Variants in PDGFB observed in about 807,000 individuals in gnomAD.
PDGFB encodes the protein platelet derived growth factor subunit B.
PDGFB carries 6 observed loss-of-function variants against 29.0 expected under a neutral mutation model. The ratio of observed to expected loss-of-function variants is 0.21; its 90% CI spans 0.11 to 0.41. The LOEUF (loss-of-function observed/expected upper bound fraction) is 0.41, where lower values mean the gene tolerates loss of function less well. Ranked by LOEUF, PDGFB falls within the 10% of genes least tolerant of loss-of-function variation. The pLI is 1.00. For missense variants in PDGFB, 299 were observed against 341.8 expected, an observed-to-expected ratio of 0.87 and a Z score of 0.99; for synonymous variants, 144 against 140.8, an observed-to-expected ratio of 1.02 and a Z score of -0.16.
At chr22:39,229,996 T>G in intron 5 of PDGFB, 88 bp downstream of exon 5, 1 of 1,454,502 alleles carries the variant, frequency 6.9e-7, no homozygotes, top group East Asian at 2.3e-5. Context: ...GGGGCGGGCC[T>G]GATCCCATTT....
At chr22:39,235,010 C>T (rs771579322) in intron 2 of PDGFB, among the ~76,000 whole-genome samples, 3 of 152,164 alleles carry the variant, frequency 2.0e-5, no homozygotes, top group East Asian at 1.9e-4. Context: ...CCTGCCTCAC[C>T]GCCCCCCAGC....
chr22:39,225,872 G>T (rs371605422), intron 5 of PDGFB, 25 bp from the exon 6 acceptor site: 14 of 1,603,348 alleles, frequency 8.7e-6, no homozygotes, highest in Non-Finnish European at 1.2e-5. Context: ...GAAAGACCTC[G>T]TCAGCATGTG....
chr22:39,236,996 A>G (rs1932459921), intron 1 of PDGFB, among the ~76,000 whole-genome samples: 1 of 152,172 alleles, frequency 6.6e-6, no homozygotes, highest in Non-Finnish European at 1.5e-5. Context: ...CCCTGGATTA[A>G]GAAGGGAGGA....
chr22:39,229,721 T>C (rs12159388), intron 5 of PDGFB, among the ~76,000 whole-genome samples: 3,003 of 152,268 alleles, frequency 0.02, 73 homozygotes, highest in African/African-American at 0.053. Flanking sequence ...GAGCTGAGAC[T>C]CTAATGAAGA....
rs765158726 is a variant in PDGFB, at chr22:39,225,892, G to C, written c.602-45C>G. On this transcript the variant is annotated intron_variant, in intron 5 of 6. Coordinates refer to ENST00000331163, the MANE Select transcript of PDGFB (RefSeq NM_002608.4). ...ACCTCGTCAGCATGTGGACCATTGG[G>C]GAGGTCTCTCCCCACTGACCAAGGC... is the stretch of plus-strand genomic sequence containing the variant. 4 of 1,583,712 alleles carry C rather than the reference G, an allele frequency of 2.5e-6. 1 individual carries two copies. In the South Asian group the frequency reaches 3.5e-5, roughly 14 times the overall value.
intron 1 of PDGFB, among the ~76,000 whole-genome samples, chr22:39,236,854 C>T (rs1440027862): frequency 6.6e-6 from 1 of 152,196 alleles, no homozygotes; most frequent in Non-Finnish European, 1.5e-5. Context: ...CGGACTTCCA[C>T]GTGTGCAAAC....
intron 4 of PDGFB, 58 bp from the exon 5 acceptor site, chr22:39,230,286 A>C: frequency 1.3e-6 from 2 of 1,584,840 alleles, no homozygotes; most frequent in Non-Finnish European, 1.7e-6. Context: ...GAGCCCGGGA[A>C]GCCCGAATGG....
At chr22:39,240,035 C>T (rs902980136) in intron 1 of PDGFB, among the ~76,000 whole-genome samples, 3 of 152,226 alleles carry the variant, frequency 2.0e-5, no homozygotes, top group Non-Finnish European at 4.4e-5. Flanking sequence ...CCAACCAACC[C>T]CTTTGAAGAA....
At position 39,244,941 on chromosome 22, in the gene PDGFB, G is replaced by T. The variant is rs916650611; in HGVS notation, c.-978C>A. Among the ~76,000 whole-genome samples, 74 of 152,198 alleles carry T rather than the reference G, an allele frequency of 4.9e-4. No homozygotes were observed. The highest frequency in any genetic ancestry group is 1.7e-3 in the African/African-American group (71 of 41,550). Reference sequence around the variant, plus strand: ...GCGGGGGAGGCTGCGGGTGCGCAGGGAGGCAGGCAGGCCGCTCCCGGCTGC... The same window carrying T: ...GCGGGGGAGGCTGCGGGTGCGCAGGTAGGCAGGCAGGCCGCTCCCGGCTGC... On this transcript the variant is annotated 5_prime_UTR_variant, in exon 1 of 7. Transcript: ENST00000331163. The surrounding 1 kb of genome is among the most constrained non-coding windows in gnomAD (Gnocchi z 4.5).
intron 3 of PDGFB, among the ~76,000 whole-genome samples, chr22:39,232,316 G>A (rs868379190): frequency 6.6e-6 from 1 of 152,128 alleles, no homozygotes; most frequent in Non-Finnish European, 1.5e-5. Flanking sequence ...CTATGAAATG[G>A]GATAATAACA....
chr22:39,237,049 G>A (rs781578107), intron 1 of PDGFB, among the ~76,000 whole-genome samples: 2 of 152,104 alleles, frequency 1.3e-5, no homozygotes, highest in Non-Finnish European at 2.9e-5. Flanking sequence ...GCCGAAGGTC[G>A]GGGGGCTCAG....
At chr22:39,229,586 G>A (rs1932246848) in intron 5 of PDGFB, among the ~76,000 whole-genome samples, 1 of 152,152 alleles carries the variant, frequency 6.6e-6, no homozygotes. Context: ...TCTCATCCAG[G>A]CCCAGATTCC....
In PDGFB at chr22:39,231,610, G is replaced by A. The variant is rs1367230572; in HGVS notation, c.456+12C>T. 1.3e-6 allele frequency: 2 copies of A among 1,538,468 alleles called. No homozygotes were observed. Among genetic ancestry groups the A allele is most frequent in the Middle Eastern group, 2.1e-4 (1 of 4,666 alleles). The stretch of plus-strand genomic sequence containing the variant: ...CCGGGACCAGCCTCGGGGGGCCGCG[G>A]AGCCTACGCACCTGGACAGGTCGCA... On this transcript the variant is annotated intron_variant, in intron 4 of 6. Coordinates refer to ENST00000331163, the MANE Select transcript of PDGFB (RefSeq NM_002608.4). This position sits in a 1 kb window ranked among gnomAD's most constrained non-coding sequence, Gnocchi z 4.3.
chr22:39,225,563 T>C, intron 6 of PDGFB, 132 bp downstream of exon 6: 2 of 867,712 alleles, frequency 2.3e-6, no homozygotes, highest in Non-Finnish European at 3.4e-6. Context: ...CCCCAGCTGA[T>C]AACTGGACAG....
chr22:39,235,489 C>T (rs1385101960), intron 2 of PDGFB, among the ~76,000 whole-genome samples: 1 of 152,192 alleles, frequency 6.6e-6, no homozygotes, highest in Non-Finnish European at 1.5e-5. Context: ...ACATACTCGG[C>T]AGATGCCCTG....
intron 5 of PDGFB, among the ~76,000 whole-genome samples, chr22:39,226,555 T>C (rs2285094): frequency 0.37 from 56,587 of 152,118 alleles, 11,061 homozygotes; most frequent in Middle Eastern, 0.49. Context: ...CCAATAGAAC[T>C]GCCCAGCTGA....
Position 39,231,986 on chromosome 22 carries a change from G to A in PDGFB, c.251-159C>T, listed in dbSNP as rs111286783. Among the ~76,000 whole-genome samples the A allele has an allele frequency of 1.8e-3, 274 of 152,038 alleles. No homozygotes were observed. Among genetic ancestry groups the A allele is most frequent in the African/African-American group, 6.5e-3 (271 of 41,452 alleles). On this transcript the variant is annotated intron_variant, in intron 3 of 6. Coordinates refer to ENST00000331163, the MANE Select transcript of PDGFB (RefSeq NM_002608.4). The surrounding 1 kb of genome is among the most constrained non-coding windows in gnomAD (Gnocchi z 4.3). ...CTGGCTGTCATTAGCCATGGGACTT[G>A]GGCAGATGGCTGAGCCACTCTAAGC...
chr22:39,232,438 G>C (rs567092787), intron 3 of PDGFB, among the ~76,000 whole-genome samples: 1 of 152,320 alleles, frequency 6.6e-6, no homozygotes, highest in South Asian at 2.1e-4. Flanking sequence ...TCTGAGAGCT[G>C]AATATCCCGT....
Position 39,223,929 on chromosome 22 carries a change from G to A in PDGFB, c.*1413C>T, listed in dbSNP as rs1302711456. Reference sequence around the variant, plus strand: ...CTTCTCTCCCCCATTCCCAGCCCACGAGCTGGTTTCCTAGGAGGAGCCACC... The same window carrying A: ...CTTCTCTCCCCCATTCCCAGCCCACAAGCTGGTTTCCTAGGAGGAGCCACC... On this transcript the variant is annotated 3_prime_UTR_variant, in exon 7 of 7. Transcript: ENST00000331163. The A allele has an allele frequency of 1.3e-5, 2 of 152,192 alleles. No homozygotes were observed. Among genetic ancestry groups the A allele is most frequent in the East Asian group, 1.9e-4 (1 of 5,198 alleles). The allele number at this position is 152,192 out of a possible 1,614,324, so 9.4% of individuals were successfully genotyped here.
Sources: gnomAD v4.1 joint callset for allele counts (sites outside exome capture counted in the v4.1 genomes callset) on GRCh38, gnomAD v4.1.1 for gene constraint, Gnocchi (gnomAD v3.1) non-coding constraint, MANE v1.5 for transcripts, NCBI Gene and HGNC (gene_info 2026-07-23, HGNC 2026-07-21) for gene names.